PHOX2B: variants seen among roughly 807,000 people sequenced by gnomAD.
PHOX2B encodes the protein paired mesoderm homeobox protein 2B.
A neutral mutation model predicts 15.5 loss-of-function variants in PHOX2B; 1 was observed. The observed-to-expected ratio is 0.06, with a 90% CI of 0.02 to 0.31. The LOEUF is 0.31. Ranked by LOEUF, PHOX2B falls within the 10% of genes least tolerant of loss-of-function variation. The probability of loss-of-function intolerance (pLI) is 1.00; values close to 1 mark genes in which losing one functional copy is unlikely to be tolerated. For missense variants in PHOX2B, 314 were observed against 436.4 expected (o/e 0.72, Z 2.50); for synonymous variants, 206 against 190.5 (o/e 1.08, Z -0.67).
Position 41,745,831 on chromosome 4 carries a change from G to C in PHOX2B, c.921C>G (p.Ala307=), listed in dbSNP as rs1045005323. The part of the protein sequence containing the change: ...SLQRPNGAKA[A]LVKSSMF ...ATCAGAACATACTGCTCTTCACTAA[G>C]GCGGCTTTGGCACCGTTGGGTCTTT... The change falls in exon 3 of 3, where the codon GCC becomes GCG. Residue 307 remains alanine (A), a synonymous_variant. Coordinates refer to ENST00000226382, the MANE Select transcript of PHOX2B (RefSeq NM_003924.4). This position sits in a 1 kb window ranked among gnomAD's most constrained non-coding sequence, Gnocchi z 4.0. The C allele has an allele frequency of 5.6e-6, 9 of 1,609,746 alleles. No homozygotes were observed. The African/African-American group carries it at 1.1e-4, about 19-fold the overall frequency.
Position 41,744,852 on chromosome 4 carries a change from A to G in PHOX2B, c.*955T>C. 4.3e-6 allele frequency: 1 copy of G among 233,676 alleles called. No individual in the cohort carries two copies. Among genetic ancestry groups the G allele is most frequent in the East Asian group, 6.0e-5 (1 of 16,568 alleles). 14.5% of individuals were successfully genotyped at this position (233,676 alleles called of 1,614,324 possible). A position where few individuals can be genotyped will look rare whatever the true frequency, so the allele number is the denominator to read the frequency against. On this transcript the variant is annotated 3_prime_UTR_variant, in exon 3 of 3. Coordinates refer to ENST00000226382, the MANE Select transcript of PHOX2B (RefSeq NM_003924.4). The stretch of plus-strand genomic sequence containing the variant: ...GTAGGCGGGAGCGAGGGGGAAAAAA[A>G]GAGTTGCGAAACATGAGACACATTT...
chr4:41,745,360 C>CT lies in PHOX2B; in HGVS notation c.*446dup, dbSNP rs371928986. ...TTTGTTTTTATTTTTACTTTTTTGT[C>CT]TTTTTTTTCTAAACAAGTCACTAAG... On this transcript the variant is annotated 3_prime_UTR_variant, in exon 3 of 3. Transcript: ENST00000226382. The surrounding 1 kb of genome is among the most constrained non-coding windows in gnomAD (Gnocchi z 4.0). The CT allele has an allele frequency of 3.2e-4, 74 of 234,080 alleles. No homozygotes were observed. Among genetic ancestry groups the CT allele is most frequent in the African/African-American group, 1.4e-3 (64 of 45,180 alleles). The allele number at this position is 234,080 out of a possible 1,614,324, so 14.5% of individuals were successfully genotyped here. A position where few individuals can be genotyped will look rare whatever the true frequency, so the allele number is the denominator to read the frequency against.
rs1181069194 is a variant in PHOX2B, at chr4:41,744,441, TGC to T, written c.*1364_*1365del. 8.6e-6 allele frequency: 2 copies of T among 232,326 alleles called. No homozygotes were observed. The highest frequency in any genetic ancestry group is 4.4e-5 in the African/African-American group (2 of 45,248). 14.4% of individuals were successfully genotyped at this position (232,326 alleles called of 1,614,324 possible). A position where few individuals can be genotyped will look rare whatever the true frequency, so the allele number is the denominator to read the frequency against. On this transcript the variant is annotated 3_prime_UTR_variant, in exon 3 of 3. Coordinates refer to ENST00000226382, the MANE Select transcript of PHOX2B (RefSeq NM_003924.4). ...ATACGGTCACGTAGAGGAGACAGTC[TGC>T]ACTGATATTAACACGATACAATTGA...
chr4:41,746,653 C>T (rs1240775107), intron 2 of PHOX2B, among the ~76,000 whole-genome samples: 1 of 152,286 alleles, frequency 6.6e-6, no homozygotes, highest in African/African-American at 2.4e-5. Context: ...GAGCAAGCCC[C>T]GAGCTCGCCA....
At chr4:41,747,689 C>G (rs1353229997) in intron 1 of PHOX2B, 153 bp from the exon 2 acceptor site, 2 of 732,270 alleles carry the variant, frequency 2.7e-6, no homozygotes, top group Non-Finnish European at 4.9e-6. Flanking sequence ...CGGGAAGAAA[C>G]CGAGGAAATT....
At position 41,744,427 on chromosome 4, in the gene PHOX2B, T is replaced by C. The variant is rs1031428810; in HGVS notation, c.*1380A>G. Reference sequence around the variant, plus strand: ...AAGAGAAAAACATTATACGGTCACGTAGAGGAGACAGTCTGCACTGATATT... The same window carrying C: ...AAGAGAAAAACATTATACGGTCACGCAGAGGAGACAGTCTGCACTGATATT... On this transcript the variant is annotated 3_prime_UTR_variant, in exon 3 of 3. Transcript: ENST00000226382. 2.2e-5 allele frequency: 5 copies of C among 231,750 alleles called. No individual in the cohort carries two copies. Among genetic ancestry groups the C allele is most frequent in the African/African-American group, 1.1e-4 (5 of 45,188 alleles). 14.4% of individuals were successfully genotyped at this position (231,750 alleles called of 1,614,324 possible).
Position 41,745,893 on chromosome 4 carries a change from G to A in PHOX2B, c.859C>T (p.Leu287Phe), listed in dbSNP as rs748808912. ...PGPITSIPDS[L>F]GGPFASVLSS... ...AGGACGCTGGCGAAGGGACCCCCAA[G>A]CGAATCCGGGATGGAGGTGATGGGG... The change falls in exon 3 of 3, where the codon CTT (leucine) becomes TTT (phenylalanine). Residue 287 changes from leucine to phenylalanine, a missense_variant. Around this residue, in one of 7 missense-constraint regions of PHOX2B, gnomAD observed 157 missense variants for 169.0 expected, o/e 0.93. Coordinates refer to ENST00000226382, the MANE Select transcript of PHOX2B (RefSeq NM_003924.4). The surrounding 1 kb of genome is among the most constrained non-coding windows in gnomAD (Gnocchi z 4.0). 1 of 1,608,140 alleles carries A rather than the reference G, an allele frequency of 6.2e-7. No individual in the cohort carries two copies. Among genetic ancestry groups the A allele is most frequent in the Non-Finnish European group, 8.5e-7 (1 of 1,177,412 alleles).
At position 41,744,151 on chromosome 4, in the gene PHOX2B, T is replaced by G. The variant is rs1178680101; in HGVS notation, c.*1656A>C. On this transcript the variant is annotated 3_prime_UTR_variant, in exon 3 of 3. Transcript: ENST00000226382. ...ACACTCTTGGAAAACTATATGCACATGTAGAAATATTTCCCTTTTAAATAG... is the reference window on the plus strand; with the variant it reads ...ACACTCTTGGAAAACTATATGCACAGGTAGAAATATTTCCCTTTTAAATAG... 1.0e-5 allele frequency: 2 copies of G among 191,654 alleles called. No homozygotes were observed. Among genetic ancestry groups the G allele is most frequent in the Non-Finnish European group, 2.2e-5 (2 of 91,740 alleles). The allele number at this position is 191,654 out of a possible 1,614,324, so 11.9% of individuals were successfully genotyped here.
At position 41,748,708 on chromosome 4, in the gene PHOX2B, C is replaced by G; in HGVS notation, c.-98G>C. On this transcript the variant is annotated 5_prime_UTR_variant, in exon 1 of 3. Transcript: ENST00000226382. ...TGGGGAGATGTGCACAGCTCAACGC[C>G]TGCCTCCAAACTGGCCTCCTTACTA... is the stretch of plus-strand genomic sequence containing the variant. The G allele has an allele frequency of 8.4e-7, 1 of 1,192,576 alleles. No homozygotes were observed. Among genetic ancestry groups the G allele is most frequent in the South Asian group, 1.3e-5 (1 of 77,102 alleles). The allele number at this position is 1,192,576 out of a possible 1,614,324, so 73.9% of individuals were successfully genotyped here. A position where few individuals can be genotyped will look rare whatever the true frequency, so the allele number is the denominator to read the frequency against.
At chr4:41,747,269 C>T in intron 2 of PHOX2B, 80 bp downstream of exon 2, 1 of 1,221,508 alleles carries the variant, frequency 8.2e-7, no homozygotes, top group Non-Finnish European at 1.2e-6. Context: ...TCCAGGACTT[C>T]GAATTTCACC....
chr4:41,746,537 G>C (rs1733906780), intron 2 of PHOX2B, among the ~76,000 whole-genome samples: 1 of 152,118 alleles, frequency 6.6e-6, no homozygotes, highest in Non-Finnish European at 1.5e-5. Context: ...GAGTGAGCAC[G>C]CCAGGGACAT....
chr4:41,747,224 C>A, intron 2 of PHOX2B, 125 bp downstream of exon 2: 2 of 737,156 alleles, frequency 2.7e-6, no homozygotes, highest in Admixed American at 4.4e-5. Context: ...TATTTCTGAT[C>A]GGCCATGGGG....
chr4:41,747,299 C>T, intron 2 of PHOX2B, 50 bp downstream of exon 2: 1 of 1,510,238 alleles, frequency 6.6e-7, no homozygotes, highest in Non-Finnish European at 9.1e-7. Context: ...TCACCCCACA[C>T]CTCCCCGGAC....
Position 41,744,529 on chromosome 4 carries a change from A to G in PHOX2B, c.*1278T>C, listed in dbSNP as rs1332146750. The G allele has an allele frequency of 4.3e-6, 1 of 233,306 alleles. No individual in the cohort carries two copies. The highest frequency in any genetic ancestry group is 5.6e-5 in the Admixed American group (1 of 17,774). 14.5% of individuals were successfully genotyped at this position (233,306 alleles called of 1,614,324 possible). On this transcript the variant is annotated 3_prime_UTR_variant, in exon 3 of 3. Coordinates refer to ENST00000226382, the MANE Select transcript of PHOX2B (RefSeq NM_003924.4). The stretch of plus-strand genomic sequence containing the variant: ...GTTAAAGCCTCAACATTCAACTAAT[A>G]TCTAGAGTTTGTGCCTTTTAAAATA...
rs759671110 is a variant in PHOX2B, at chr4:41,748,648, G to A, written c.-38C>T. On this transcript the variant is annotated 5_prime_UTR_variant, in exon 1 of 3. Coordinates refer to ENST00000226382, the MANE Select transcript of PHOX2B (RefSeq NM_003924.4). ...GGATGGCTCAGCCAAGTGGAAAAAT[G>A]AAATAAAAGATGGATATGGAGAAGG... The A allele has an allele frequency of 3.7e-6, 6 of 1,602,454 alleles. No individual in the cohort carries two copies. The highest frequency in any genetic ancestry group is 5.1e-6 in the Non-Finnish European group (6 of 1,170,670).
chr4:41,746,384 A>G (rs529685702), intron 2 of PHOX2B, 62 bp from the exon 3 acceptor site: 42 of 1,554,426 alleles, frequency 2.7e-5, no homozygotes, highest in Non-Finnish European at 2.6e-6. Context: ...TGGGAAAGAA[A>G]AGCACCGGTT....
At chr4:41,746,376 G>T in intron 2 of PHOX2B, 54 bp from the exon 3 acceptor site, 1 of 1,578,628 alleles carries the variant, frequency 6.3e-7, no homozygotes, top group South Asian at 1.1e-5. Flanking sequence ...GAAGAAAATG[G>T]GAAAGAAAAG....
rs2153112593 is a variant in PHOX2B at position 41,744,110 on chromosome 4, C to T, written c.*1697G>A. The T allele has an allele frequency of 7.2e-6, 1 of 138,444 alleles. No individual in the cohort carries two copies. Among genetic ancestry groups the T allele is most frequent in the Admixed American group, 7.8e-5 (1 of 12,814 alleles). 8.6% of individuals were successfully genotyped at this position (138,444 alleles called of 1,614,324 possible). A position where few individuals can be genotyped will look rare whatever the true frequency, so the allele number is the denominator to read the frequency against. On this transcript the variant is annotated 3_prime_UTR_variant, in exon 3 of 3. Coordinates refer to ENST00000226382, the MANE Select transcript of PHOX2B (RefSeq NM_003924.4). The stretch of plus-strand genomic sequence containing the variant: ...ACTTGCTTTTTGTTTTTATTATCAA[C>T]AATCAAGTTAATGGTACACTCTTGG...
rs1733858053 is a variant in PHOX2B, at chr4:41,745,616, G to A, written c.*191C>T. 1.4e-5 allele frequency: 9 copies of A among 639,176 alleles called. No individual in the cohort carries two copies. The highest frequency in any genetic ancestry group is 1.3e-4 in the South Asian group (6 of 47,590). The allele number at this position is 639,176 out of a possible 1,614,324, so 39.6% of individuals were successfully genotyped here. A position where few individuals can be genotyped will look rare whatever the true frequency, so the allele number is the denominator to read the frequency against. Reference sequence around the variant, plus strand: ...TTTTGTTTGGGGGTTGAGGAAGGGGGTAGGAGTGGGGTTGAAATGAGGGCG... The same window carrying A: ...TTTTGTTTGGGGGTTGAGGAAGGGGATAGGAGTGGGGTTGAAATGAGGGCG... On this transcript the variant is annotated 3_prime_UTR_variant, in exon 3 of 3. Transcript: ENST00000226382. The surrounding 1 kb of genome is among the most constrained non-coding windows in gnomAD (Gnocchi z 4.0).
Sources: gnomAD v4.1 joint callset for allele counts (sites outside exome capture counted in the v4.1 genomes callset) on GRCh38, gnomAD v4.1.1 for gene constraint, gnomAD v4.1.1 regional missense constraint, Gnocchi (gnomAD v3.1) non-coding constraint, MANE v1.5 for transcripts, NCBI Gene and HGNC (gene_info 2026-07-23, HGNC 2026-07-21) for gene names.